RABGAP1: variants seen among roughly 807,000 people sequenced by gnomAD.
The protein encoded by RABGAP1 is RAB GTPase activating protein 1, also known as rab GTPase-activating protein 1.
In RABGAP1, 23 loss-of-function variants were observed where a neutral mutation model predicts 137.6. That is an observed-to-expected ratio of 0.17 (90% CI 0.12 to 0.24). The LOEUF is 0.24. RABGAP1 is among the 10% of genes least tolerant of loss of function. The probability of loss-of-function intolerance (pLI) is 1.00; values close to 1 mark genes in which losing one functional copy is unlikely to be tolerated. For missense variants in RABGAP1, 906 were observed against 1,275.8 expected, an observed-to-expected ratio of 0.71 and a Z score of 4.42; for synonymous variants, 451 against 450.7, an observed-to-expected ratio of 1.00 and a Z score of -0.01.
At chr9:122,966,145 G>T (rs567778452) in intron 2 of RABGAP1, among the ~76,000 whole-genome samples, 11 of 152,198 alleles carry the variant, frequency 7.2e-5, no homozygotes, top group Non-Finnish European at 1.3e-4. Context: ...TGTCAGGTAG[G>T]TAGTTTGATA....
At chr9:122,950,377 C>CTTTTTT (rs200424486) in intron 1 of RABGAP1, among the ~76,000 whole-genome samples, 145 of 74,420 alleles carry the variant, frequency 1.9e-3, no homozygotes, top group East Asian at 4.3e-3. Context: ...CTTTTTCTTT[C>CTTTTTT]TTTTTTTTTT....
chr9:123,014,293 A>G (rs1273609281), intron 11 of RABGAP1, among the ~76,000 whole-genome samples: 1 of 152,170 alleles, frequency 6.6e-6, no homozygotes, highest in Admixed American at 6.5e-5. Context: ...ACTTGAATTT[A>G]CTTTCCTTAA....
At chr9:123,097,635 T>G (rs556965445) in intron 21 of RABGAP1, 106 bp from the exon 22 acceptor site, 1 of 930,296 alleles carries the variant, frequency 1.1e-6, no homozygotes, top group South Asian at 1.7e-5. Flanking sequence ...TTCCCCTCTC[T>G]GAATCAGAGT....
chr9:122,979,469 T>A (rs983602679), intron 2 of RABGAP1, among the ~76,000 whole-genome samples: 13 of 152,196 alleles, frequency 8.5e-5, no homozygotes, highest in Non-Finnish European at 1.8e-4. Context: ...CAGAACTTTT[T>A]AATTTTAATT....
Position 123,103,210 on chromosome 9 carries a change from C to T in RABGAP1, c.3207C>T (p.Cys1069=). 2 of 1,613,728 alleles carry T rather than the reference C, an allele frequency of 1.2e-6. No individual in the cohort carries two copies. The highest frequency in any genetic ancestry group is 1.7e-6 in the Non-Finnish European group (2 of 1,179,858). The change falls in exon 26 of 26, where the codon TGC becomes TGT. Residue 1069 remains cysteine, a synonymous_variant. Transcript: ENST00000373647. ...TATGVQGKET[C] ...CCGGGGTTCAAGGGAAAGAGACTTG[C>T]TGAGAGCAGCTGCCGCCTCCCGACA...
At chr9:123,100,587 AT>A (rs1369905309) in intron 24 of RABGAP1, among the ~76,000 whole-genome samples, 1 of 151,870 alleles carries the variant, frequency 6.6e-6, no homozygotes, top group African/African-American at 2.4e-5. Flanking sequence ...GTGCCAGCTA[AT>A]TTTTCGATTT....
chr9:122,935,334 TCCAATAACATAATTTTTTTTTTTGAGA>T, the RABGAP1 span, among the ~76,000 whole-genome samples: 1 of 152,184 alleles, frequency 6.6e-6, no homozygotes, highest in African/African-American at 2.4e-5. Context: ...ACATTGTATA[TCCAATAACATAATTTTTTTTTTTGAGA>T]CAGTCTCGCT....
intron 13 of RABGAP1, among the ~76,000 whole-genome samples, chr9:123,022,362 ATAC>A (rs2031693611): frequency 6.6e-6 from 1 of 152,196 alleles, no homozygotes; most frequent in African/African-American, 2.4e-5. Context: ...TGATTTGTAT[ATAC>A]TGGTGATGTG....
At chr9:122,966,708 G>A (rs956822619) in intron 2 of RABGAP1, among the ~76,000 whole-genome samples, 5 of 151,994 alleles carry the variant, frequency 3.3e-5, no homozygotes, top group African/African-American at 9.7e-5. Flanking sequence ...AAGAAAACCC[G>A]GGTGTATTAC....
intron 2 of RABGAP1, among the ~76,000 whole-genome samples, chr9:122,970,327 A>G (rs901825238): frequency 6.6e-6 from 1 of 152,168 alleles, no homozygotes; most frequent in African/African-American, 2.4e-5. Context: ...CCAGCTGCTT[A>G]GGAGGCTGAT....
chr9:122,960,050 T>C (rs1461982141), intron 2 of RABGAP1, among the ~76,000 whole-genome samples: 1 of 152,218 alleles, frequency 6.6e-6, no homozygotes, highest in Admixed American at 6.5e-5. Context: ...TAGAAAAGTT[T>C]AAGCCTAAGG....
intron 13 of RABGAP1, chr9:123,035,768 A>G: frequency 3.7e-6 from 2 of 545,536 alleles, no homozygotes; most frequent in Non-Finnish European, 3.2e-6. Flanking sequence ...AATTATTCGT[A>G]TGGATACCTT....
chr9:123,096,206 G>A (rs1393737111), intron 21 of RABGAP1, among the ~76,000 whole-genome samples: 1 of 148,940 alleles, frequency 6.7e-6, no homozygotes, highest in African/African-American at 2.4e-5. Context: ...AGTTGTGTAG[G>A]GATTTGTTTC....
At chr9:123,005,138 TTC>T (rs1230063956) in intron 10 of RABGAP1, among the ~76,000 whole-genome samples, 1 of 152,070 alleles carries the variant, frequency 6.6e-6, no homozygotes, top group African/African-American at 2.4e-5. Flanking sequence ...TTTATGGAAC[TTC>T]TTTTTGTCCT....
chr9:122,993,198 C>T (rs1836833075), intron 6 of RABGAP1, among the ~76,000 whole-genome samples: 1 of 152,066 alleles, frequency 6.6e-6, no homozygotes, highest in Non-Finnish European at 1.5e-5. Context: ...TTTACTTTAA[C>T]ATAAATATAG....
upstream of RABGAP1, among the ~76,000 whole-genome samples, chr9:122,937,076 G>A (rs1016980397): frequency 2.6e-5 from 4 of 152,244 alleles, no homozygotes; most frequent in Admixed American, 6.5e-5. Flanking sequence ...GTGGTGGCAT[G>A]TGGTTGTAGT....
At position 123,103,174 on chromosome 9, in the gene RABGAP1, A is replaced by G. The variant is rs2035392195; in HGVS notation, c.3171A>G (p.Ile1057Met). Reference sequence around the variant, plus strand: ...GGTTTAACCGAACACTGAGCTCCATAAAGACAGCAACCGGGGTTCAAGGGA... The same window carrying G: ...GGTTTAACCGAACACTGAGCTCCATGAAGACAGCAACCGGGGTTCAAGGGA... ...KTWFNRTLSS[I>M]KTATGVQGKE... The change falls in exon 26 of 26, where the codon ATA (isoleucine) becomes ATG (methionine). Residue 1057 changes from isoleucine (I) to methionine (M), a missense_variant. Ile to Met is a conservative substitution (Grantham distance 10). This residue lies in a region of RABGAP1 where 193 missense variants were observed against 248.1 expected (regional missense o/e 0.78). Coordinates refer to ENST00000373647, the MANE Select transcript of RABGAP1 (RefSeq NM_012197.4). 1 of 1,614,134 alleles carries G rather than the reference A, an allele frequency of 6.2e-7. No homozygotes were observed.
rs141895553 is a variant in RABGAP1 at position 123,035,128 on chromosome 9, G to A, written c.1794+14669G>A. 34 of 1,613,536 alleles carry A rather than the reference G, an allele frequency of 2.1e-5. 1 individual carries two copies. The African/African-American group carries it at 3.1e-4, about 15-fold the overall frequency. ...GTGGTGTGCGGAGTCCTGGCACACC[G>A]ACTCCTACTTCACCCTGTTCATCGT... On this transcript the variant is annotated intron_variant, in intron 13 of 25. Coordinates refer to ENST00000373647, the MANE Select transcript of RABGAP1 (RefSeq NM_012197.4).
chr9:122,961,187 G>A (rs926793378), intron 2 of RABGAP1, among the ~76,000 whole-genome samples: 1 of 152,128 alleles, frequency 6.6e-6, no homozygotes, highest in African/African-American at 2.4e-5. Flanking sequence ...TGAACTCCAT[G>A]TAGGATAGAT....
Sources: gnomAD v4.1 joint callset for allele counts (sites outside exome capture counted in the v4.1 genomes callset) on GRCh38, gnomAD v4.1.1 for gene constraint, gnomAD v4.1.1 regional missense constraint, MANE v1.5 for transcripts, NCBI Gene and HGNC (gene_info 2026-07-23, HGNC 2026-07-21) for gene names.